Variants in FRMD4A observed in about 807,000 individuals in gnomAD.
FRMD4A encodes FERM domain containing 4A, also known as FERM domain-containing protein 4A.
A neutral mutation model predicts 129.1 loss-of-function variants in FRMD4A; 29 were observed. The observed-to-expected ratio is 0.22, with a 90% CI of 0.17 to 0.31. The LOEUF is 0.31. FRMD4A is among the 10% of genes least tolerant of loss of function. The pLI is 1.00. For synonymous variants in FRMD4A, 634 were observed against 571.6 expected, an observed-to-expected ratio of 1.11 and a Z score of -1.56; for missense variants, 1,272 against 1,375.8, an observed-to-expected ratio of 0.92 and a Z score of 1.19.
rs190425442 is a variant in FRMD4A, at chr10:14,162,130, A to C, written c.45+167928T>G. Among the ~76,000 whole-genome samples the C allele has an allele frequency of 2.6e-5, 4 of 152,172 alleles. No individual in the cohort carries two copies. The East Asian group carries it at 5.8e-4, about 22-fold the overall frequency. On this transcript the variant is annotated intron_variant, in intron 2 of 24. Coordinates refer to ENST00000357447, the MANE Select transcript of FRMD4A (RefSeq NM_018027.5). ...TTTTATATATACATATTTTTTGTATAAAACCTTCAAAATCTGGTGTTCATT... is the reference window on the plus strand; with the variant it reads ...TTTTATATATACATATTTTTTGTATCAAACCTTCAAAATCTGGTGTTCATT...
intron 2 of FRMD4A, among the ~76,000 whole-genome samples, chr10:14,283,671 T>C (rs1272780938): frequency 3.3e-5 from 5 of 152,250 alleles, no homozygotes; most frequent in African/African-American, 1.2e-4. Flanking sequence ...TGATAATGTG[T>C]AATGTTGGCC....
chr10:14,153,185 CA>C (rs1840428113), intron 2 of FRMD4A, among the ~76,000 whole-genome samples: 1 of 152,200 alleles, frequency 6.6e-6, no homozygotes. Context: ...AATCCCTGCT[CA>C]TCCAGAGAAG....
At chr10:14,016,266 G>A (rs891292093) in intron 2 of FRMD4A, among the ~76,000 whole-genome samples, 22 of 152,132 alleles carry the variant, frequency 1.4e-4, no homozygotes, top group African/African-American at 4.8e-4. Flanking sequence ...ATCATAGCAA[G>A]CATCAATCAC....
At chr10:13,927,124 G>A (rs1380379217) in intron 2 of FRMD4A, among the ~76,000 whole-genome samples, 1 of 152,156 alleles carries the variant, frequency 6.6e-6, no homozygotes, top group Non-Finnish European at 1.5e-5. Flanking sequence ...GGGCGTGGTG[G>A]CACACACCTG....
At chr10:13,685,970 T>C (rs2134784264) in intron 15 of FRMD4A, among the ~76,000 whole-genome samples, 1 of 152,146 alleles carries the variant, frequency 6.6e-6, no homozygotes, top group South Asian at 2.1e-4. Flanking sequence ...CAGAAAGGGA[T>C]AACGACTCTG....
chr10:14,257,451 G>A (rs1161317603), intron 2 of FRMD4A, among the ~76,000 whole-genome samples: 1 of 152,212 alleles, frequency 6.6e-6, no homozygotes, highest in Non-Finnish European at 1.5e-5. Flanking sequence ...TATAAGCTAT[G>A]TATATGGTCA....
chr10:13,852,500 G>C (rs933081462), intron 3 of FRMD4A, among the ~76,000 whole-genome samples: 8 of 152,136 alleles, frequency 5.3e-5, no homozygotes, highest in African/African-American at 1.9e-4. Flanking sequence ...TGGGATTACA[G>C]GCATGAGCCA....
intron 2 of FRMD4A, among the ~76,000 whole-genome samples, chr10:13,936,734 T>C (rs2095252085): frequency 1.3e-5 from 2 of 152,222 alleles, no homozygotes; most frequent in Non-Finnish European, 1.5e-5. Flanking sequence ...GATTCTATTA[T>C]ACAAGCCTGA....
At chr10:14,114,378 C>T (rs192176891) in intron 2 of FRMD4A, among the ~76,000 whole-genome samples, 4 of 152,252 alleles carry the variant, frequency 2.6e-5, no homozygotes, top group East Asian at 1.9e-4. Flanking sequence ...GAAGAGCCAG[C>T]GGAAAGGGCA....
intron 2 of FRMD4A, among the ~76,000 whole-genome samples, chr10:13,958,793 C>A (rs760918763): frequency 6.6e-6 from 1 of 151,730 alleles, no homozygotes; most frequent in Non-Finnish European, 1.5e-5. Flanking sequence ...CCATGTTGGT[C>A]AGGCTGGTCT....
chr10:14,214,579 C>A (rs1843018645), intron 2 of FRMD4A, among the ~76,000 whole-genome samples: 1 of 152,156 alleles, frequency 6.6e-6, no homozygotes, highest in South Asian at 2.1e-4. Flanking sequence ...ATTTTTATTT[C>A]CATAGATCTC....
chr10:13,719,270 C>T (rs1367278365), intron 12 of FRMD4A, among the ~76,000 whole-genome samples: 3 of 152,212 alleles, frequency 2.0e-5, no homozygotes, highest in Admixed American at 6.5e-5. Context: ...GCCGAGGAGC[C>T]GTAGCCCTTC....
At chr10:14,160,938 T>C (rs923595434) in intron 2 of FRMD4A, among the ~76,000 whole-genome samples, 6 of 152,170 alleles carry the variant, frequency 3.9e-5, no homozygotes, top group Non-Finnish European at 7.3e-5. Context: ...ACAGCCATTA[T>C]GGAAAACTGC....
At chr10:14,220,821 T>C (rs1289746223) in intron 2 of FRMD4A, among the ~76,000 whole-genome samples, 4 of 151,268 alleles carry the variant, frequency 2.6e-5, no homozygotes, top group Non-Finnish European at 5.9e-5. Context: ...TTTGTGTGTG[T>C]GTGTGTGTGT....
At chr10:14,235,645 C>T (rs1415095476) in intron 2 of FRMD4A, among the ~76,000 whole-genome samples, 2 of 152,198 alleles carry the variant, frequency 1.3e-5, no homozygotes, top group African/African-American at 2.4e-5. Flanking sequence ...ACCACTGCCA[C>T]GGGTTCAGTG....
chr10:13,777,978 T>C (rs1170675089), intron 6 of FRMD4A, among the ~76,000 whole-genome samples: 1 of 151,848 alleles, frequency 6.6e-6, no homozygotes, highest in Non-Finnish European at 1.5e-5. Context: ...AACTTTTGTA[T>C]TTTTAGTAGA....
intron 8 of FRMD4A, among the ~76,000 whole-genome samples, chr10:13,753,642 T>C: frequency 6.8e-6 from 1 of 147,156 alleles, no homozygotes. Context: ...CCTCCCAGGC[T>C]CAAGTGAACC....
At chr10:14,010,762 G>C (rs766964323) in intron 2 of FRMD4A, among the ~76,000 whole-genome samples, 1 of 142,510 alleles carries the variant, frequency 7.0e-6, no homozygotes, top group African/African-American at 2.6e-5. Context: ...TCCTCGCTTC[G>C]GCCCCCCAAA....
chr10:14,217,576 C>A (rs1843113531), intron 2 of FRMD4A, among the ~76,000 whole-genome samples: 2 of 152,058 alleles, frequency 1.3e-5, no homozygotes, highest in South Asian at 4.2e-4. Flanking sequence ...TATAAATTGC[C>A]CAGTCCTGGT....
Sources: allele counts gnomAD v4.1 joint callset (sites outside exome capture counted in the v4.1 genomes callset), GRCh38; gene constraint gnomAD v4.1.1; transcripts MANE v1.5; gene names NCBI Gene and HGNC (gene_info 2026-07-23, HGNC 2026-07-21).